IGSF11: variants seen among roughly 807,000 people sequenced by gnomAD.
The protein encoded by IGSF11 is immunoglobulin superfamily member 11.
A neutral mutation model predicts 41.0 loss-of-function variants in IGSF11; 22 were observed. The observed-to-expected ratio is 0.54, with a 90% CI of 0.38 to 0.77. The LOEUF (loss-of-function observed/expected upper bound fraction) is 0.77. IGSF11 is among the 30% of genes least tolerant of loss of function. IGSF11 has a pLI of 0.00. For synonymous variants in IGSF11, 219 were observed against 201.3 expected, an observed-to-expected ratio of 1.09 and a Z score of -0.74; for missense variants, 444 against 530.8, an observed-to-expected ratio of 0.84 and a Z score of 1.61.
chr3:119,011,420 G>C (rs1938103154), intron 1 of IGSF11, among the ~76,000 whole-genome samples: 1 of 152,180 alleles, frequency 6.6e-6, no homozygotes, highest in South Asian at 2.1e-4. Flanking sequence ...TGAAGCACAT[G>C]TGCATGGGAC....
intron 4 of IGSF11, among the ~76,000 whole-genome samples, chr3:118,920,689 T>G (rs1297928243): frequency 6.6e-6 from 1 of 152,074 alleles, no homozygotes; most frequent in Non-Finnish European, 1.5e-5. Context: ...TCAAAATGGG[T>G]AAAGAAAATT....
At chr3:118,923,095 C>G (rs957742234) in intron 4 of IGSF11, among the ~76,000 whole-genome samples, 1 of 152,080 alleles carries the variant, frequency 6.6e-6, no homozygotes, top group East Asian at 1.9e-4. Flanking sequence ...TGCAAGTGGA[C>G]ATGTGCATAA....
At chr3:118,941,831 G>A (rs562192519) in intron 1 of IGSF11, among the ~76,000 whole-genome samples, 1 of 152,280 alleles carries the variant, frequency 6.6e-6, no homozygotes, top group South Asian at 2.1e-4. Flanking sequence ...ATGACTAAAT[G>A]TTAAAGCTAT....
intron 4 of IGSF11, among the ~76,000 whole-genome samples, chr3:118,914,409 C>T (rs1266562487): frequency 5.3e-5 from 8 of 151,324 alleles, no homozygotes; most frequent in African/African-American, 4.9e-5. Context: ...GCACCGTGTG[C>T]GAGCCGAAGC....
intron 1 of IGSF11, among the ~76,000 whole-genome samples, chr3:118,996,032 C>A (rs2107660219): frequency 6.6e-6 from 1 of 152,212 alleles, no homozygotes; most frequent in African/African-American, 2.4e-5. Context: ...AATCCACCTG[C>A]CTCAGCCTCC....
At chr3:119,093,701 C>G (rs2076802088) in intron 1 of IGSF11, among the ~76,000 whole-genome samples, 1 of 152,136 alleles carries the variant, frequency 6.6e-6, no homozygotes, top group South Asian at 2.1e-4. Context: ...TTTCAGGGAT[C>G]TGACATCATC....
intron 1 of IGSF11, among the ~76,000 whole-genome samples, chr3:118,969,478 G>A (rs1576512037): frequency 1.3e-5 from 2 of 152,228 alleles, no homozygotes; most frequent in South Asian, 2.1e-4. Context: ...GAACAATGAA[G>A]CGGACACAGA....
In IGSF11 at chr3:118,953,795, A is replaced by G. The variant is rs945913755; in HGVS notation, c.53-23520T>C. On this transcript the variant is annotated intron_variant, in intron 1 of 6. Coordinates refer to ENST00000393775, the MANE Select transcript of IGSF11 (RefSeq NM_001015887.3). ...TGTTTGAGTTCCTTGCAGATTCTGG[A>G]TATTAGTCCTTTGTCAGATGTACAG... 3.3e-5 allele frequency among the ~76,000 whole-genome samples: 5 copies of G among 152,126 alleles called. 1 individual carries two copies. Among genetic ancestry groups the G allele is most frequent in the East Asian group, 1.9e-4 (1 of 5,174 alleles).
chr3:118,949,981 T>C (rs1944449915), intron 1 of IGSF11, among the ~76,000 whole-genome samples: 1 of 152,106 alleles, frequency 6.6e-6, no homozygotes, highest in South Asian at 2.1e-4. Flanking sequence ...CTAGAATAAA[T>C]TAGGTTCTGC....
At chr3:119,034,929 G>A (rs1940809348), upstream of IGSF11, 5 of 827,680 alleles carry the variant, frequency 6.0e-6, no homozygotes, top group African/African-American at 1.8e-5. Flanking sequence ...TCCTCGCCGC[G>A]CCGCCCACTC....
intron 1 of IGSF11, among the ~76,000 whole-genome samples, chr3:119,141,042 TAAAAA>T (rs35323898): frequency 1.0e-5 from 1 of 99,782 alleles, no homozygotes; most frequent in Admixed American, 1.2e-4. Context: ...TCTGTCTCAT[TAAAAA>T]AAAAAAAAAA....
intron 1 of IGSF11, among the ~76,000 whole-genome samples, chr3:118,970,712 T>C (rs1933294322): frequency 6.7e-6 from 1 of 148,668 alleles, no homozygotes; most frequent in African/African-American, 2.5e-5. Context: ...ACTGTGGTTT[T>C]CAAATACTAC....
At chr3:118,977,378 C>T (rs753195983) in intron 1 of IGSF11, among the ~76,000 whole-genome samples, 1 of 152,164 alleles carries the variant, frequency 6.6e-6, no homozygotes, top group Non-Finnish European at 1.5e-5. Flanking sequence ...TCTGGAACCT[C>T]TGAGGCATGT....
At chr3:118,924,273 A>G (rs1038036735) in intron 4 of IGSF11, among the ~76,000 whole-genome samples, 4 of 152,192 alleles carry the variant, frequency 2.6e-5, no homozygotes, top group African/African-American at 9.6e-5. Flanking sequence ...CTCTGTCACC[A>G]ATCAGACTTC....
chr3:119,055,928 A>C (rs1941814733), intron 1 of IGSF11, among the ~76,000 whole-genome samples: 3 of 152,240 alleles, frequency 2.0e-5, no homozygotes, highest in Admixed American at 2.0e-4. Context: ...ACCAATAAGA[A>C]AAAAGACTCA....
At chr3:118,944,656 T>C (rs1427601819) in intron 1 of IGSF11, among the ~76,000 whole-genome samples, 2 of 152,158 alleles carry the variant, frequency 1.3e-5, no homozygotes, top group Admixed American at 1.3e-4. Flanking sequence ...GAGGCCTTTC[T>C]CAATTTGATT....
chr3:118,934,648 C>T (rs1004064367), intron 1 of IGSF11, among the ~76,000 whole-genome samples: 22 of 152,230 alleles, frequency 1.4e-4, no homozygotes, highest in African/African-American at 5.1e-4. Context: ...CAAAAGTGTG[C>T]TTGTCCAAGA....
chr3:119,079,891 G>C (rs559456827), intron 1 of IGSF11, among the ~76,000 whole-genome samples: 111 of 152,276 alleles, frequency 7.3e-4, no homozygotes, highest in African/African-American at 2.5e-3. Flanking sequence ...TAAGAGTGGA[G>C]GGTATGAGAA....
chr3:118,971,770 T>C, intron 1 of IGSF11, among the ~76,000 whole-genome samples: 1 of 138,296 alleles, frequency 7.2e-6, no homozygotes, highest in Non-Finnish European at 1.5e-5. Flanking sequence ...GCCACTGCAC[T>C]CCAGCCTGGA....
Sources: gnomAD v4.1 joint callset for allele counts (sites outside exome capture counted in the v4.1 genomes callset) on GRCh38, gnomAD v4.1.1 for gene constraint, MANE v1.5 for transcripts, NCBI Gene and HGNC (gene_info 2026-07-23, HGNC 2026-07-21) for gene names.